The following TMEM132D variants were observed in gnomAD, a reference collection of about 807,000 sequenced individuals.
The protein encoded by TMEM132D is transmembrane protein 132D.
A neutral mutation model predicts 62.3 loss-of-function variants in TMEM132D; 21 were observed. The observed-to-expected ratio is 0.34, with a 90% CI of 0.24 to 0.49. The LOEUF is 0.49. Among genes scored for constraint, TMEM132D ranks in the 20% least tolerant of loss-of-function variants. TMEM132D has a pLI of 0.99. For missense variants in TMEM132D, 1,346 were observed against 1,402.8 expected, an observed-to-expected ratio of 0.96 and a Z score of 0.65; for synonymous variants, 621 against 575.6, an observed-to-expected ratio of 1.08 and a Z score of -1.13.
Position 129,198,807 on chromosome 12 carries a change from A to G in TMEM132D, c.1443+10713T>C, listed in dbSNP as rs1878613838. On this transcript the variant is annotated intron_variant, in intron 5 of 8. Coordinates refer to ENST00000422113, the MANE Select transcript of TMEM132D (RefSeq NM_133448.3). ...TTCAACTGTCCTCACTACAAAAAAT[A>G]AGTATCTGAAGTGAAGGATATGTTA... 3.3e-5 allele frequency among the ~76,000 whole-genome samples: 5 copies of G among 152,336 alleles called. No individual in the cohort carries two copies. In the South Asian group the frequency reaches 1.0e-3, roughly 32 times the overall value.
At chr12:129,119,289 CAAATAGAG>C (rs1875989203) in intron 5 of TMEM132D, among the ~76,000 whole-genome samples, 1 of 152,106 alleles carries the variant, frequency 6.6e-6, no homozygotes, top group Non-Finnish European at 1.5e-5. Context: ...ACATATCACC[CAAATAGAG>C]TACATATCAA....
At chr12:129,131,182 T>C (rs1359553462) in intron 5 of TMEM132D, among the ~76,000 whole-genome samples, 2 of 152,254 alleles carry the variant, frequency 1.3e-5, no homozygotes, top group African/African-American at 4.8e-5. Context: ...ATTACATGTA[T>C]GTATGCATAA....
intron 3 of TMEM132D, among the ~76,000 whole-genome samples, chr12:129,392,301 G>A (rs1176616657): frequency 3.3e-5 from 5 of 150,622 alleles, no homozygotes; most frequent in Non-Finnish European, 2.9e-5. Context: ...AGGGCGATCC[G>A]CCCACCTCAG....
chr12:129,497,467 G>T (rs185365727), intron 3 of TMEM132D, among the ~76,000 whole-genome samples: 15 of 152,218 alleles, frequency 9.9e-5, no homozygotes, highest in African/African-American at 3.6e-4. Context: ...CCAGGCCTCA[G>T]GAGTGTAAGG....
At chr12:129,472,599 A>T (rs1874125251) in intron 3 of TMEM132D, among the ~76,000 whole-genome samples, 2 of 152,286 alleles carry the variant, frequency 1.3e-5, no homozygotes, top group South Asian at 4.2e-4. Flanking sequence ...TAAAGTAAAA[A>T]ACAAACAAAC....
Position 129,074,089 on chromosome 12 carries a change from T to C in TMEM132D, c.3086A>G (p.Asp1029Gly), listed in dbSNP as rs1874165183. 2.5e-6 allele frequency: 4 copies of C among 1,614,054 alleles called. No individual in the cohort carries two copies. Among genetic ancestry groups the C allele is most frequent in the Admixed American group, 1.7e-5 (1 of 59,998 alleles). The change falls in exon 9 of 9, where the codon GAT becomes GGT. Residue 1029 changes from aspartate to glycine, a missense_variant. Transcript: ENST00000422113. ...GGATGTTGGGGGCTCACTTTTCTGA[T>C]CTTTCCCATCAATGATGATGGGTCC... is the stretch of plus-strand genomic sequence containing the variant. The part of the protein sequence containing the change: ...PLGPIIIDGK[D>G]QKSEPPTSPT...
At chr12:129,805,234 GT>G (rs1217667433) in intron 1 of TMEM132D, among the ~76,000 whole-genome samples, 4 of 152,038 alleles carry the variant, frequency 2.6e-5, no homozygotes, top group Non-Finnish European at 5.9e-5. Context: ...GCATCACCAA[GT>G]CAATCCTAAG....
chr12:129,653,905 T>C (rs1445700747), intron 2 of TMEM132D, among the ~76,000 whole-genome samples: 3 of 152,218 alleles, frequency 2.0e-5, no homozygotes, highest in Non-Finnish European at 2.9e-5. Flanking sequence ...TAATATTCTT[T>C]TTCTGTCCCA....
At chr12:129,222,672 G>A (rs907383631) in intron 4 of TMEM132D, among the ~76,000 whole-genome samples, 10 of 152,034 alleles carry the variant, frequency 6.6e-5, no homozygotes, top group Admixed American at 5.2e-4. Context: ...ACACTGCATC[G>A]TCTTACTTAT....
intron 4 of TMEM132D, 25 bp downstream of exon 4, chr12:129,337,609 A>T (rs2135657778): frequency 2.5e-6 from 4 of 1,612,756 alleles, no homozygotes; most frequent in Non-Finnish European, 3.4e-6. Context: ...TTCAGTTCTA[A>T]CAGCCCAGGG....
At chr12:129,095,790 C>T (rs1311001504) in intron 5 of TMEM132D, among the ~76,000 whole-genome samples, 1 of 152,178 alleles carries the variant, frequency 6.6e-6, no homozygotes, top group Non-Finnish European at 1.5e-5. Flanking sequence ...CAAACCCGCA[C>T]ACACCTAATC....
chr12:129,195,145 C>G (rs150731258), intron 5 of TMEM132D, among the ~76,000 whole-genome samples: 1 of 152,248 alleles, frequency 6.6e-6, no homozygotes, highest in Non-Finnish European at 1.5e-5. Context: ...AGAGGTGGGG[C>G]ACTGCTGTTG....
At chr12:129,273,212 C>T (rs1880905272) in intron 4 of TMEM132D, among the ~76,000 whole-genome samples, 1 of 151,408 alleles carries the variant, frequency 6.6e-6, no homozygotes. Flanking sequence ...AACAAACAAA[C>T]AAACAAACAA....
At chr12:129,722,695 C>T (rs1434739189) in intron 1 of TMEM132D, among the ~76,000 whole-genome samples, 1 of 151,370 alleles carries the variant, frequency 6.6e-6, no homozygotes, top group Non-Finnish European at 1.5e-5. Flanking sequence ...GAGTGATGAC[C>T]ATATTCCTGG....
chr12:129,790,419 T>A (rs1332040793), intron 1 of TMEM132D, among the ~76,000 whole-genome samples: 1 of 152,196 alleles, frequency 6.6e-6, no homozygotes, highest in Non-Finnish European at 1.5e-5. Context: ...AAAGCGGCTC[T>A]CAGCAGGAAG....
In TMEM132D at chr12:129,352,411, A is replaced by G. The variant is rs185974484; in HGVS notation, c.1116-14594T>C. Among the ~76,000 whole-genome samples the G allele has an allele frequency of 3.2e-3, 479 of 150,130 alleles. 3 individuals are homozygous for G. Among genetic ancestry groups the G allele is most frequent in the African/African-American group, 0.011 (462 of 40,820 alleles). ...CTTTCAAGAACATCCTACTCTGTCT[A>G]TGAAGTAGCTGTCCTTTCACCACTT... On this transcript the variant is annotated intron_variant, in intron 3 of 8. Transcript: ENST00000422113.
At chr12:129,356,653 A>AAAAAAAAT (rs1870059990) in intron 3 of TMEM132D, among the ~76,000 whole-genome samples, 1 of 50,508 alleles carries the variant, frequency 2.0e-5, no homozygotes. Flanking sequence ...CCCTGTCTCT[A>AAAAAAAAT]CAATAAATAA....
chr12:129,103,293 C>A (rs571070760), intron 5 of TMEM132D, among the ~76,000 whole-genome samples: 189 of 152,290 alleles, frequency 1.2e-3, no homozygotes, highest in African/African-American at 4.3e-3. Context: ...CAGTTCCTTC[C>A]CACAGCAGCA....
chr12:129,252,511 A>AT (rs1316899899), intron 4 of TMEM132D, among the ~76,000 whole-genome samples: 2 of 152,192 alleles, frequency 1.3e-5, no homozygotes, highest in Admixed American at 6.5e-5. Context: ...AAGATTCTAC[A>AT]TTCTGGCAAT....
Sources: gnomAD v4.1 joint callset for allele counts (sites outside exome capture counted in the v4.1 genomes callset) on GRCh38, gnomAD v4.1.1 for gene constraint, MANE v1.5 for transcripts, NCBI Gene and HGNC (gene_info 2026-07-23, HGNC 2026-07-21) for gene names.